The following ZNF491 variants were observed in gnomAD, a reference collection of about 807,000 sequenced individuals.
ZNF491 encodes zinc finger protein 491.
In ZNF491, 22 loss-of-function variants were observed where a neutral mutation model predicts 34.7. The observed-to-expected ratio is 0.63, with a 90% CI of 0.45 to 0.90. The LOEUF is 0.90. ZNF491 is among the 40% of genes least tolerant of loss of function. The pLI is 0.00. For missense variants in ZNF491, 559 were observed against 531.7 expected, an observed-to-expected ratio of 1.05 and a Z score of -0.51; for synonymous variants, 148 against 174.3, an observed-to-expected ratio of 0.85 and a Z score of 1.19.
intron 2 of ZNF491, among the ~76,000 whole-genome samples, chr19:11,805,704 G>A (rs1304078161): frequency 2.6e-5 from 4 of 152,034 alleles, no homozygotes; most frequent in Non-Finnish European, 5.9e-5. Flanking sequence ...AAAATTAGCT[G>A]GGTATGGTGG....
intron 1 of ZNF491, among the ~76,000 whole-genome samples, chr19:11,801,436 C>A (rs74180187): frequency 0.12 from 17,533 of 151,860 alleles, 1,808 homozygotes; most frequent in African/African-American, 0.26. Flanking sequence ...GCGGGTGGAT[C>A]ATGAGGTCAG....
chr19:11,805,364 A>G lies in ZNF491; in HGVS notation c.-7-583A>G, dbSNP rs529135855. On this transcript the variant is annotated intron_variant, in intron 2 of 2. Transcript: ENST00000323169. ...GTGGAGGTTGCAGTGAGCTGAGATC[A>G]CGCCATGGCACTCCAGCCTGGGCAA... Among the ~76,000 whole-genome samples the G allele has an allele frequency of 2.4e-3, 353 of 146,876 alleles. 4 individuals are homozygous for G. Among genetic ancestry groups the G allele is most frequent in the African/African-American group, 8.3e-3 (327 of 39,466 alleles).
chr19:11,802,895 C>T lies in ZNF491; in HGVS notation c.-133-1647C>T, dbSNP rs1386247163. The stretch of plus-strand genomic sequence containing the variant: ...TAGGACTCTGTTACAAAAGATGCTA[C>T]ACACCCAATGTACAGAGAGACATTG... On this transcript the variant is annotated intron_variant, in intron 1 of 2. Transcript: ENST00000323169. 2.0e-5 allele frequency among the ~76,000 whole-genome samples: 3 copies of T among 152,164 alleles called. No homozygotes were observed. In the East Asian group the frequency reaches 5.8e-4, roughly 29 times the overall value.
rs1211096001 is a variant in ZNF491, at chr19:11,798,649, C to T, written c.-212C>T. The T allele has an allele frequency of 6.6e-6, 1 of 152,578 alleles. No homozygotes were observed. The highest frequency in any genetic ancestry group is 6.5e-5 in the Admixed American group (1 of 15,290). The allele number at this position is 152,578 out of a possible 1,614,324, so 9.5% of individuals were successfully genotyped here. ...GGCCCCAGGTGCCTCCGCCACGGCT[C>T]CTGTGACGCTGTCACCTGCGCTGTG... On this transcript the variant is annotated 5_prime_UTR_variant, in exon 1 of 3. Transcript: ENST00000323169. The surrounding 1 kb of genome is among the most constrained non-coding windows in gnomAD (Gnocchi z 4.0).
At chr19:11,803,891 T>C (rs1975580058) in intron 1 of ZNF491, among the ~76,000 whole-genome samples, 1 of 152,118 alleles carries the variant, frequency 6.6e-6, no homozygotes, top group Admixed American at 6.5e-5. Context: ...AGCTCCATAG[T>C]TCTGGAGGCT....
chr19:11,806,807 C>T lies in ZNF491; in HGVS notation c.854C>T (p.Ser285Leu). 1 of 1,609,658 alleles carries T rather than the reference C, an allele frequency of 6.2e-7. No homozygotes were observed. Among genetic ancestry groups the T allele is most frequent in the Admixed American group, 1.7e-5 (1 of 59,206 alleles). ...ICGKAFYSPS[S>L]FQRHERSHTG... is the part of the protein sequence containing the mutation. ...GGGAAAGCCTTTTACTCTCCCAGTT[C>T]ATTTCAAAGGCATGAAAGAAGTCAC... Residue 285 changes from serine (S) to leucine (L), a missense_variant, in exon 3 of 3, where the codon TCA becomes TTA. Ser to Leu is a moderately radical substitution (Grantham distance 145). Transcript: ENST00000323169.
At chr19:11,804,688 TC>T in intron 2 of ZNF491, 21 bp downstream of exon 2, 1 of 1,169,990 alleles carries the variant, frequency 8.5e-7, no homozygotes. Context: ...CAATATTACC[TC>T]CCTCAGTGAA....
chr19:11,804,905 C>T (rs185397024), intron 2 of ZNF491, among the ~76,000 whole-genome samples: 58 of 151,994 alleles, frequency 3.8e-4, no homozygotes, highest in Middle Eastern at 3.4e-3. Flanking sequence ...TACAAACATC[C>T]CAGGAGAAAT....
In ZNF491 at chr19:11,807,033, TG is replaced by T; in HGVS notation, c.1083del (p.Ala363HisfsTer82). ...AGAAACCCTATGAATGTAAGCAATG[TG>T]GGAAAGCATTTCATTGTGTCAGCTC... is the stretch of plus-strand genomic sequence containing the variant. ...GEKPYECKQC[G>X]KAFHCVSSFH... On this transcript the variant is annotated frameshift_variant, in exon 3 of 3. Coordinates refer to ENST00000323169, the MANE Select transcript of ZNF491 (RefSeq NM_152356.4). LOFTEE classifies it high-confidence loss of function. The T allele has an allele frequency of 6.2e-7, 1 of 1,610,662 alleles. No homozygotes were observed. The highest frequency in any genetic ancestry group is 1.1e-5 in the South Asian group (1 of 90,568).
At chr19:11,805,567 G>T (rs1269666519) in intron 2 of ZNF491, among the ~76,000 whole-genome samples, 2 of 151,842 alleles carry the variant, frequency 1.3e-5, no homozygotes, top group South Asian at 4.2e-4. Flanking sequence ...TAAAAATGCA[G>T]CTGGACATGG....
At chr19:11,804,332 T>C (rs1975587197) in intron 1 of ZNF491, among the ~76,000 whole-genome samples, 1 of 152,208 alleles carries the variant, frequency 6.6e-6, no homozygotes, top group African/African-American at 2.4e-5. Context: ...TTTCCTATTC[T>C]GCTGTTGCTT....
At chr19:11,803,045 T>C (rs1333883854) in intron 1 of ZNF491, among the ~76,000 whole-genome samples, 2 of 151,428 alleles carry the variant, frequency 1.3e-5, no homozygotes, top group Admixed American at 1.3e-4. Context: ...GCAGTGGCTC[T>C]CTCTTGGCTC....
chr19:11,805,737 C>T, intron 2 of ZNF491, among the ~76,000 whole-genome samples: 1 of 152,062 alleles, frequency 6.6e-6, no homozygotes, highest in East Asian at 1.9e-4. Flanking sequence ...GTCCAACTTT[C>T]TGGGGAGTCT....
chr19:11,802,754 G>A (rs1975570042), intron 1 of ZNF491, among the ~76,000 whole-genome samples: 1 of 152,174 alleles, frequency 6.6e-6, no homozygotes, highest in African/African-American at 2.4e-5. Context: ...CTGTTTGAAT[G>A]AGAATCAAAT....
At chr19:11,804,415 C>CTGA in intron 1 of ZNF491, 127 bp from the exon 2 acceptor site, 2 of 1,275,908 alleles carry the variant, frequency 1.6e-6, no homozygotes, top group Non-Finnish European at 2.0e-6. Context: ...AGTAAGAGGT[C>CTGA]TGATGACAGA....
At chr19:11,805,731 A>G (rs1031312755) in intron 2 of ZNF491, among the ~76,000 whole-genome samples, 12 of 151,958 alleles carry the variant, frequency 7.9e-5, no homozygotes, top group Non-Finnish European at 1.6e-4. Flanking sequence ...CCTGTAGTCC[A>G]ACTTTCTGGG....
rs1221449232 is a variant in ZNF491 at position 11,806,486 on chromosome 19, A to G, written c.533A>G (p.Glu178Gly). Residue 178 changes from glutamate to glycine, a missense_variant, in exon 3 of 3, where the codon GAA becomes GGA. Transcript: ENST00000323169. ...FSWHSSVRIHERTHTGEKPYE... is the reference protein window; with the variant it reads ...FSWHSSVRIHGRTHTGEKPYE... Reference sequence around the variant, plus strand: ...TGGCACAGTTCTGTTCGAATCCATGAAAGAACTCACACTGGGGAGAAGCCA... The same window carrying G: ...TGGCACAGTTCTGTTCGAATCCATGGAAGAACTCACACTGGGGAGAAGCCA... 3 of 1,613,868 alleles carry G rather than the reference A, an allele frequency of 1.9e-6. No homozygotes were observed. The highest frequency in any genetic ancestry group is 1.7e-5 in the Admixed American group (1 of 59,968).
At position 11,807,054 on chromosome 19, in the gene ZNF491, C is replaced by G. The variant is rs1371570401; in HGVS notation, c.1101C>G (p.Val367=). The stretch of plus-strand genomic sequence containing the variant: ...AATGTGGGAAAGCATTTCATTGTGT[C>G]AGCTCCTTTCATAGACATGAAAGGA... ...CKQCGKAFHC[V]SSFHRHERTH... The change falls in exon 3 of 3, where the codon GTC becomes GTG. Residue 367 remains valine, a synonymous_variant. Coordinates refer to ENST00000323169, the MANE Select transcript of ZNF491 (RefSeq NM_152356.4). The G allele has an allele frequency of 1.5e-5, 24 of 1,609,092 alleles. No homozygotes were observed. The highest frequency in any genetic ancestry group is 2.0e-5 in the Non-Finnish European group (24 of 1,178,140).
chr19:11,806,594 C>A lies in ZNF491; in HGVS notation c.641C>A (p.Pro214Gln). The A allele has an allele frequency of 1.2e-6, 2 of 1,614,008 alleles. No homozygotes were observed. The highest frequency in any genetic ancestry group is 1.7e-6 in the Non-Finnish European group (2 of 1,180,022). Residue 214 changes from proline to glutamine, a missense_variant, in exon 3 of 3, where the codon CCG (proline) becomes CAG (glutamine). Coordinates refer to ENST00000323169, the MANE Select transcript of ZNF491 (RefSeq NM_152356.4). Reference protein sequence around the residue: ...RHERTHTGEKPYKCKECGKAF... With the variant: ...RHERTHTGEKQYKCKECGKAF... ...GAAAGGACACACACAGGAGAGAAGCCGTACAAATGTAAGGAATGTGGGAAA... is the reference window on the plus strand; with the variant it reads ...GAAAGGACACACACAGGAGAGAAGCAGTACAAATGTAAGGAATGTGGGAAA...
Sources: gnomAD v4.1 joint callset for allele counts (sites outside exome capture counted in the v4.1 genomes callset) on GRCh38, gnomAD v4.1.1 for gene constraint, Gnocchi (gnomAD v3.1) non-coding constraint, MANE v1.5 for transcripts, NCBI Gene and HGNC (gene_info 2026-07-23, HGNC 2026-07-21) for gene names.